Variants in OTOG observed in about 807,000 individuals in gnomAD.
The protein encoded by OTOG is otogelin.
Under a neutral mutation model 313.8 loss-of-function variants are expected in OTOG, and 296 were observed. The observed-to-expected ratio is 0.94, with a 90% confidence interval of 0.86 to 1.04. OTOG has a LOEUF of 1.04. Ranked by LOEUF, OTOG falls within the 50% of genes least tolerant of loss-of-function variation. OTOG has a pLI of 0.00. For synonymous variants in OTOG, 1,533 were observed against 1,554.9 expected, an observed-to-expected ratio of 0.99 and a Z score of 0.33; for missense variants, 3,948 against 3,840.1, an observed-to-expected ratio of 1.03 and a Z score of -0.74.
intron 36 of OTOG, 123 bp downstream of exon 36, chr11:17,611,546 A>G: frequency 9.1e-7 from 1 of 1,094,820 alleles, no homozygotes. Context: ...TGGTCCCTGA[A>G]AAATTCTTCA....
At chr11:17,590,009 T>G (rs1313009638) in intron 24 of OTOG, among the ~76,000 whole-genome samples, 1 of 152,174 alleles carries the variant, frequency 6.6e-6, no homozygotes. Context: ...TGGTTCTTCC[T>G]CTTCTCCAAC....
chr11:17,589,564 A>G (rs1852882176), intron 24 of OTOG, among the ~76,000 whole-genome samples: 1 of 152,154 alleles, frequency 6.6e-6, no homozygotes, highest in Admixed American at 6.5e-5. Context: ...CTTTTCTCCC[A>G]TATAAACAAT....
rs1023066853 is a variant in OTOG at position 17,612,612 on chromosome 11, T to A, written c.6293-8T>A. On this transcript the variant is annotated splice_region_variant and splice_polypyrimidine_tract_variant and intron_variant, in intron 37 of 55. Transcript: ENST00000399397. ...ACCTATTCTTCTTGTGCCCTGCCCCTCCCCCAGGCCGGTGCTCAATCTTCC... is the reference window on the plus strand; with the variant it reads ...ACCTATTCTTCTTGTGCCCTGCCCCACCCCCAGGCCGGTGCTCAATCTTCC... 5 of 1,548,134 alleles carry A rather than the reference T, an allele frequency of 3.2e-6. No homozygotes were observed. Among genetic ancestry groups the A allele is most frequent in the Non-Finnish European group, 4.4e-6 (5 of 1,145,670 alleles).
rs1330191049 is a variant in OTOG, at chr11:17,609,933, C to G, written c.4633C>G (p.Pro1545Ala). The G allele has an allele frequency of 8.5e-6, 13 of 1,533,308 alleles. No homozygotes were observed. The African/African-American group carries it at 1.6e-4, about 19-fold the overall frequency. 95.0% of individuals were successfully genotyped at this position (1,533,308 alleles called of 1,614,324 possible). A position where few individuals can be genotyped will look rare whatever the true frequency, so the allele number is the denominator to read the frequency against. Reference sequence around the variant, plus strand: ...CACTGCATCTCAACTCCCCGCCGGCCCCACGGAGTCCCCAGCCAGCAAGGG... The same window carrying G: ...CACTGCATCTCAACTCCCCGCCGGCGCCACGGAGTCCCCAGCCAGCAAGGG... ...ELTASQLPAG[P>A]TESPASKGVT... Residue 1545 changes from proline (P) to alanine (A), a missense_variant, in exon 36 of 56, where the codon CCC becomes GCC. Transcript: ENST00000399397.
chr11:17,583,566 T>TA (rs914239347), intron 23 of OTOG, among the ~76,000 whole-genome samples: 5 of 152,176 alleles, frequency 3.3e-5, no homozygotes, highest in Non-Finnish European at 7.4e-5. Flanking sequence ...CCCTATTTTT[T>TA]AAAAAACACT....
At chr11:17,592,837 TA>T (rs1852982111) in intron 25 of OTOG, among the ~76,000 whole-genome samples, 1 of 152,244 alleles carries the variant, frequency 6.6e-6, no homozygotes, top group South Asian at 2.1e-4. Context: ...TACATACATT[TA>T]AAATATTCAA....
intron 23 of OTOG, among the ~76,000 whole-genome samples, chr11:17,584,978 TG>T (rs1852759457): frequency 2.6e-5 from 4 of 152,270 alleles, no homozygotes; most frequent in Admixed American, 2.6e-4. Context: ...TTTAATATTC[TG>T]TGGTCTGTGG....
chr11:17,577,827 A>C (rs574753247), intron 22 of OTOG, among the ~76,000 whole-genome samples: 1 of 152,128 alleles, frequency 6.6e-6, no homozygotes, highest in Non-Finnish European at 1.5e-5. Context: ...ACGCAGTGTG[A>C]ATGTGCGGGG....
At chr11:17,599,510 C>T (rs1853193035) in intron 30 of OTOG, among the ~76,000 whole-genome samples, 161 bp from the exon 31 acceptor site, 1 of 152,182 alleles carries the variant, frequency 6.6e-6, no homozygotes, top group Admixed American at 6.5e-5. Flanking sequence ...CCACTTAAGA[C>T]ATCTGCATCC....
intron 53 of OTOG, among the ~76,000 whole-genome samples, chr11:17,643,174 G>A (rs549152684): frequency 3.3e-5 from 5 of 152,350 alleles, no homozygotes; most frequent in African/African-American, 4.8e-5. Flanking sequence ...AGCACTGGCA[G>A]TGGGGTAGGC....
At chr11:17,587,928 G>A (rs1852839819) in intron 24 of OTOG, among the ~76,000 whole-genome samples, 2 of 152,158 alleles carry the variant, frequency 1.3e-5, no homozygotes, top group South Asian at 4.1e-4. Flanking sequence ...TCACTTCCCT[G>A]GACTCCAGCC....
At chr11:17,576,816 G>A (rs1852539124) in intron 21 of OTOG, 52 bp from the exon 22 acceptor site, 1 of 1,544,722 alleles carries the variant, frequency 6.5e-7, no homozygotes, top group African/African-American at 1.4e-5. Context: ...TGGGGTGTCT[G>A]GGTCCTGCAG....
Position 17,611,416 on chromosome 11 carries a change from C to T in OTOG, c.6116C>T (p.Thr2039Ile), listed in dbSNP as rs1201519041. The T allele has an allele frequency of 2.8e-5, 43 of 1,517,294 alleles. No individual in the cohort carries two copies. Among genetic ancestry groups the T allele is most frequent in the Non-Finnish European group, 3.3e-5 (37 of 1,126,490 alleles). 94.0% of individuals were successfully genotyped at this position (1,517,294 alleles called of 1,614,324 possible). Residue 2039 changes from threonine to isoleucine, a missense_variant, in exon 36 of 56, where the codon ACC (threonine) becomes ATC (isoleucine). Coordinates refer to ENST00000399397, the MANE Select transcript of OTOG (RefSeq NM_001292063.2). ...ACCACTGAGGCCAATACATCCACCA[C>T]CTGTGTTGTGAGTGATTTGCCAGGG... Reference protein sequence around the residue: ...ATTTEANTSTTCVPIAEQDCV... With the variant: ...ATTTEANTSTICVPIAEQDCV...
chr11:17,596,310 A>G (rs1357011772), intron 29 of OTOG, among the ~76,000 whole-genome samples, 156 bp downstream of exon 29: 1 of 152,210 alleles, frequency 6.6e-6, no homozygotes. Flanking sequence ...AGCTCAGATG[A>G]GTCCGTCCTA....
chr11:17,641,699 T>A lies in OTOG; in HGVS notation c.8191-148T>A, dbSNP rs769288333. 4 of 602,592 alleles carry A rather than the reference T, an allele frequency of 6.6e-6. No individual in the cohort carries two copies. The Admixed American group carries it at 1.2e-4, about 18-fold the overall frequency. 37.3% of individuals were successfully genotyped at this position (602,592 alleles called of 1,614,324 possible). A position where few individuals can be genotyped will look rare whatever the true frequency, so the allele number is the denominator to read the frequency against. ...GTAGATACAGGGATGATTAGCTGCCTGTGACAGAAGGAGGCTGGGAGCGCC... is the reference window on the plus strand; with the variant it reads ...GTAGATACAGGGATGATTAGCTGCCAGTGACAGAAGGAGGCTGGGAGCGCC... On this transcript the variant is annotated intron_variant, in intron 51 of 55. Coordinates refer to ENST00000399397, the MANE Select transcript of OTOG (RefSeq NM_001292063.2).
intron 37 of OTOG, 58 bp from the exon 38 acceptor site, chr11:17,612,562 G>A: frequency 6.6e-7 from 1 of 1,505,182 alleles, no homozygotes; most frequent in Non-Finnish European, 8.9e-7. Context: ...CATCTTCCTA[G>A]GCGGCCTTGG....
chr11:17,588,505 A>T (rs746802248), intron 24 of OTOG, among the ~76,000 whole-genome samples: 4 of 152,120 alleles, frequency 2.6e-5, no homozygotes, highest in Non-Finnish European at 5.9e-5. Context: ...GTTGTAGGTC[A>T]TGTAGGTGGG....
chr11:17,600,958 G>A lies in OTOG; in HGVS notation c.3710-1252G>A, dbSNP rs547836229. On this transcript the variant is annotated intron_variant, in intron 31 of 55. Transcript: ENST00000399397. Reference sequence around the variant, plus strand: ...TCAGTGGTCCCTGAGTCCTGCCACAGCGGTGTGTGGAGCAGGCTCACGCCG... The same window carrying A: ...TCAGTGGTCCCTGAGTCCTGCCACAACGGTGTGTGGAGCAGGCTCACGCCG... 3.9e-5 allele frequency among the ~76,000 whole-genome samples: 6 copies of A among 152,334 alleles called. No homozygotes were observed. The East Asian group carries it at 1.2e-3, about 29-fold the overall frequency.
chr11:17,570,258 G>A lies in OTOG; in HGVS notation c.1823G>A (p.Arg608Lys). 6.4e-7 allele frequency: 1 copy of A among 1,550,884 alleles called. No individual in the cohort carries two copies. Among genetic ancestry groups the A allele is most frequent in the Non-Finnish European group, 8.7e-7 (1 of 1,147,056 alleles). The stretch of plus-strand genomic sequence containing the variant: ...CTGTCCTCCGTGTTCCTGCGGGTGA[G>A]GACGAACGTGGGCGTGCGGGTGCTC... The part of the protein sequence containing the change: ...RRLSSVFLRV[R>K]TNVGVRVLYD... Residue 608 changes from arginine to lysine, a missense_variant, in exon 17 of 56, where the codon AGG becomes AAG. Transcript: ENST00000399397.
Sources: allele counts gnomAD v4.1 joint callset (sites outside exome capture counted in the v4.1 genomes callset), GRCh38; gene constraint gnomAD v4.1.1; transcripts MANE v1.5; gene names NCBI Gene and HGNC (gene_info 2026-07-23, HGNC 2026-07-21).